NOVA1: variants seen among roughly 807,000 people sequenced by gnomAD.
NOVA1 encodes the protein RNA-binding protein Nova-1.
A neutral mutation model predicts 38.0 loss-of-function variants in NOVA1; 7 were observed. The observed-to-expected ratio is 0.18, with a 90% CI of 0.10 to 0.35. NOVA1 has a LOEUF of 0.35. NOVA1 is among the 10% of genes least tolerant of loss of function. The pLI is 1.00. For synonymous variants in NOVA1, 270 were observed against 232.5 expected, an observed-to-expected ratio of 1.16 and a Z score of -1.47; for missense variants, 460 against 616.0, an observed-to-expected ratio of 0.75 and a Z score of 2.68.
At chr14:26,576,911 C>T (rs1402559024) in intron 2 of NOVA1, among the ~76,000 whole-genome samples, 1 of 151,828 alleles carries the variant, frequency 6.6e-6, no homozygotes, top group African/African-American at 2.4e-5. Context: ...TTTTAGTATA[C>T]AACACAATAT....
At chr14:26,524,619 C>A (rs1310448953) in intron 2 of NOVA1, among the ~76,000 whole-genome samples, 2 of 152,098 alleles carry the variant, frequency 1.3e-5, no homozygotes, top group Admixed American at 6.6e-5. Flanking sequence ...GGTCATCTTC[C>A]AGGATTAATA....
chr14:26,506,754 A>G (rs1214816535), intron 2 of NOVA1, among the ~76,000 whole-genome samples: 1 of 151,932 alleles, frequency 6.6e-6, no homozygotes, highest in Non-Finnish European at 1.5e-5. Flanking sequence ...TAATTTTTGT[A>G]TTTTTAGTAG....
At chr14:26,491,419 T>A (rs1466530457) in intron 2 of NOVA1, among the ~76,000 whole-genome samples, 1 of 152,220 alleles carries the variant, frequency 6.6e-6, no homozygotes, top group Non-Finnish European at 1.5e-5. Flanking sequence ...CCTTTGGTAA[T>A]GGACGTTAAT....
chr14:26,593,312 A>G (rs73603811), intron 2 of NOVA1: 1 of 151,824 alleles, frequency 6.6e-6, no homozygotes, highest in Non-Finnish European at 1.5e-5. Flanking sequence ...AATTATTCTG[A>G]AGACTTGTGG....
intron 2 of NOVA1, among the ~76,000 whole-genome samples, chr14:26,582,408 T>C (rs994990189): frequency 6.6e-6 from 1 of 151,876 alleles, no homozygotes; most frequent in Non-Finnish European, 1.5e-5. Context: ...AGAACTGGAA[T>C]ATGAATTTAA....
intron 2 of NOVA1, among the ~76,000 whole-genome samples, chr14:26,577,921 G>T (rs1892963412): frequency 6.6e-6 from 1 of 151,680 alleles, no homozygotes; most frequent in South Asian, 2.1e-4. Context: ...AGAACAGATG[G>T]TTATTTAAAT....
chr14:26,532,667 T>C (rs1008523472), intron 2 of NOVA1, among the ~76,000 whole-genome samples: 2 of 152,182 alleles, frequency 1.3e-5, no homozygotes, highest in Non-Finnish European at 2.9e-5. Context: ...ATGTATGTAA[T>C]GGGCAGATAC....
At chr14:26,520,105 T>C (rs193223569) in intron 2 of NOVA1, among the ~76,000 whole-genome samples, 10 of 152,358 alleles carry the variant, frequency 6.6e-5, no homozygotes, top group Non-Finnish European at 1.2e-4. Flanking sequence ...TGTTGATACA[T>C]TAACATTTAA....
At chr14:26,566,113 A>T (rs1197822381) in intron 2 of NOVA1, among the ~76,000 whole-genome samples, 1 of 152,170 alleles carries the variant, frequency 6.6e-6, no homozygotes. Flanking sequence ...GCTATAAGGA[A>T]TGCATAACAT....
chr14:26,498,224 TA>T (rs918758087), intron 2 of NOVA1, among the ~76,000 whole-genome samples: 2 of 151,158 alleles, frequency 1.3e-5, no homozygotes, highest in Non-Finnish European at 2.9e-5. Flanking sequence ...CACGCCCAGT[TA>T]ATTTTTTTTT....
chr14:26,527,663 T>G (rs1889401792), intron 2 of NOVA1, among the ~76,000 whole-genome samples: 1 of 152,188 alleles, frequency 6.6e-6, no homozygotes, highest in South Asian at 2.1e-4. Context: ...CATATAGTTC[T>G]TAAGGATACT....
At chr14:26,486,146 A>C (rs1471535565) in intron 2 of NOVA1, among the ~76,000 whole-genome samples, 2 of 152,154 alleles carry the variant, frequency 1.3e-5, no homozygotes, top group East Asian at 3.9e-4. Flanking sequence ...CATATCAAGA[A>C]ATATCTTGCA....
chr14:26,556,447 A>G (rs1423294037), intron 2 of NOVA1, among the ~76,000 whole-genome samples: 3 of 152,100 alleles, frequency 2.0e-5, no homozygotes, highest in Non-Finnish European at 4.4e-5. Flanking sequence ...CGACATCCAC[A>G]TGCCAAAAAA....
At position 26,480,149 on chromosome 14, in the gene NOVA1, G is replaced by T; in HGVS notation, c.281-6C>A. ...GCACACTCGCTCAGTAGTACCTGTG[G>T]ATAAAACATTGATTTTCAGAAAATA... On this transcript the variant is annotated splice_region_variant and splice_polypyrimidine_tract_variant and intron_variant, in intron 2 of 4. Transcript: ENST00000539517. The T allele has an allele frequency of 1.3e-6, 2 of 1,589,302 alleles. 1 individual carries two copies. Among genetic ancestry groups the T allele is most frequent in the South Asian group, 2.3e-5 (2 of 87,814 alleles).
intron 4 of NOVA1, among the ~76,000 whole-genome samples, chr14:26,454,398 A>C (rs1332896676): frequency 6.6e-6 from 1 of 152,128 alleles, no homozygotes; most frequent in Non-Finnish European, 1.5e-5. Flanking sequence ...ATAAAGAGAT[A>C]TTTGTGTTTC....
intron 2 of NOVA1, among the ~76,000 whole-genome samples, chr14:26,550,212 T>A (rs1429183207): frequency 6.6e-6 from 1 of 152,170 alleles, no homozygotes; most frequent in East Asian, 1.9e-4. Context: ...AGCTAATTAT[T>A]TTTTGGTTCA....
chr14:26,499,557 C>T (rs1887096548), intron 2 of NOVA1, among the ~76,000 whole-genome samples: 1 of 152,024 alleles, frequency 6.6e-6, no homozygotes, highest in Non-Finnish European at 1.5e-5. Context: ...TGGGTAACAT[C>T]AGTGTGTAGC....
chr14:26,493,926 A>C (rs1209467141), intron 2 of NOVA1, among the ~76,000 whole-genome samples: 1 of 152,156 alleles, frequency 6.6e-6, no homozygotes, highest in Non-Finnish European at 1.5e-5. Flanking sequence ...ACATAATTAC[A>C]AGGAGCAGAA....
At chr14:26,596,692 G>A (rs1894212309) in intron 1 of NOVA1, 1 of 1,288,334 alleles carries the variant, frequency 7.8e-7, no homozygotes, top group Non-Finnish European at 1.0e-6. Flanking sequence ...ACAAGTCACC[G>A]TTCCAGACAC....
Sources: allele counts gnomAD v4.1 joint callset (sites outside exome capture counted in the v4.1 genomes callset), GRCh38; gene constraint gnomAD v4.1.1; transcripts MANE v1.5; gene names NCBI Gene and HGNC (gene_info 2026-07-23, HGNC 2026-07-21).